The following EYS variants were observed in gnomAD, a reference collection of about 807,000 sequenced individuals.
The protein encoded by EYS is protein eyes shut homolog.
In EYS, 250 loss-of-function variants were observed where a neutral mutation model predicts 282.1. That is an observed-to-expected ratio of 0.89 (90% CI 0.80 to 0.98). The LOEUF is 0.98. Among genes scored for constraint, EYS ranks in the 50% least tolerant of loss-of-function variants. EYS has a pLI of 0.00. For synonymous variants in EYS, 1,355 were observed against 1,282.9 expected (o/e 1.06, Z -1.20); for missense variants, 4,016 against 3,709.0 (o/e 1.08, Z -2.15).
chr6:65,400,723 A>G (rs1012288787), intron 7 of EYS, among the ~76,000 whole-genome samples: 1 of 151,880 alleles, frequency 6.6e-6, no homozygotes, highest in Non-Finnish European at 1.5e-5. Flanking sequence ...TACCCATATA[A>G]ATTTAGATCT....
intron 37 of EYS, among the ~76,000 whole-genome samples, chr6:63,803,818 A>G (rs1246854624): frequency 4.6e-5 from 7 of 152,196 alleles, no homozygotes; most frequent in Non-Finnish European, 2.9e-5. Context: ...TGTTAGTGAA[A>G]ACAGACAAGA....
chr6:64,329,656 C>T (rs939899056), intron 29 of EYS, among the ~76,000 whole-genome samples: 2 of 152,108 alleles, frequency 1.3e-5, no homozygotes, highest in Non-Finnish European at 2.9e-5. Flanking sequence ...CCCATTCCAG[C>T]AGAAGCCACC....
chr6:64,551,169 T>TACAC (rs1765067113), intron 26 of EYS, among the ~76,000 whole-genome samples: 1 of 149,682 alleles, frequency 6.7e-6, no homozygotes, highest in Non-Finnish European at 1.5e-5. Flanking sequence ...TATGTGTATA[T>TACAC]ACATATATAC....
chr6:63,859,655 A>G (rs1410456858), intron 36 of EYS, among the ~76,000 whole-genome samples: 1 of 151,992 alleles, frequency 6.6e-6, no homozygotes, highest in African/African-American at 2.4e-5. Flanking sequence ...AAAAAAAAAA[A>G]AAGAAGAGAT....
At chr6:64,165,107 AAGT>A (rs1189966591) in intron 31 of EYS, among the ~76,000 whole-genome samples, 2 of 152,096 alleles carry the variant, frequency 1.3e-5, no homozygotes, top group African/African-American at 2.4e-5. Context: ...GGCTGACTAT[AAGT>A]AGGGTCATAA....
chr6:64,816,551 C>T (rs117691826), intron 21 of EYS, among the ~76,000 whole-genome samples: 4,901 of 152,118 alleles, frequency 0.032, 98 homozygotes, highest in East Asian at 0.063. Context: ...CTTTCCCTAA[C>T]TTAGGGATTC....
intron 16 of EYS, among the ~76,000 whole-genome samples, chr6:64,907,605 C>T (rs1393580873): frequency 6.6e-6 from 1 of 152,176 alleles, no homozygotes; most frequent in African/African-American, 2.4e-5. Context: ...TCCCCAAACA[C>T]TTCTATCCTA....
intron 12 of EYS, among the ~76,000 whole-genome samples, chr6:65,163,806 A>G (rs1478074031): frequency 1.3e-5 from 2 of 151,320 alleles, no homozygotes; most frequent in Admixed American, 1.3e-4. Flanking sequence ...ACAAATTTTC[A>G]TTGAAACCCA....
intron 31 of EYS, among the ~76,000 whole-genome samples, chr6:64,099,406 G>A (rs112490081): frequency 0.029 from 4,435 of 152,160 alleles, 232 homozygotes; most frequent in African/African-American, 0.1. Flanking sequence ...TCTCTATTCT[G>A]AAAAGATGGG....
chr6:64,902,384 A>G lies in EYS; in HGVS notation c.2738+20T>C, dbSNP rs898297832. 6.7e-7 allele frequency: 1 copy of G among 1,488,992 alleles called. No individual in the cohort carries two copies. 92.2% of individuals were successfully genotyped at this position (1,488,992 alleles called of 1,614,324 possible). On this transcript the variant is annotated intron_variant, in intron 17 of 42. Coordinates refer to ENST00000503581, the MANE Select transcript of EYS (RefSeq NM_001142800.2). ...TAGACACATAAACATGTATCTAGAT[A>G]CTTTTTAAGTTTTCTGTACCTGAAA... is the stretch of plus-strand genomic sequence containing the variant.
At chr6:64,894,431 G>T (rs1183667291) in intron 18 of EYS, among the ~76,000 whole-genome samples, 1 of 152,124 alleles carries the variant, frequency 6.6e-6, no homozygotes, top group Non-Finnish European at 1.5e-5. Context: ...GCTAACTGAT[G>T]ACGGGGTTTT....
intron 31 of EYS, among the ~76,000 whole-genome samples, chr6:64,095,386 T>C (rs965240246): frequency 1.3e-5 from 2 of 152,162 alleles, no homozygotes; most frequent in African/African-American, 4.8e-5. Flanking sequence ...TGTGTGGTAG[T>C]CTAAGTCTCT....
chr6:65,070,219 T>C (rs936430869), intron 12 of EYS, among the ~76,000 whole-genome samples: 4 of 151,898 alleles, frequency 2.6e-5, no homozygotes, highest in African/African-American at 9.7e-5. Flanking sequence ...GCTAATTCAT[T>C]CTTCATCCAG....
chr6:63,825,105 C>G (rs1286914259), intron 36 of EYS, among the ~76,000 whole-genome samples: 1 of 152,136 alleles, frequency 6.6e-6, no homozygotes, highest in Non-Finnish European at 1.5e-5. Context: ...TGCATGGGAG[C>G]TGGGTGAGGC....
chr6:65,442,445 T>A (rs1768370118), intron 5 of EYS, among the ~76,000 whole-genome samples: 1 of 152,012 alleles, frequency 6.6e-6, no homozygotes, highest in Non-Finnish European at 1.5e-5. Context: ...TGTAAACTAC[T>A]GTTTTTCATA....
chr6:65,676,623 C>A (rs1219924154), intron 1 of EYS, among the ~76,000 whole-genome samples: 4 of 151,576 alleles, frequency 2.6e-5, no homozygotes, highest in Non-Finnish European at 5.9e-5. Context: ...TGAATTCTAC[C>A]AAATATGTAG....
chr6:63,726,674 G>A lies in EYS; in HGVS notation c.8078C>T (p.Ser2693Phe). ...TTGIYCEQAL[S>F]ISDPSFRSNE... ...GCTTCTGAAAGATGGATCACTTATGGATAAAGCTGAGGGAAGGAGAGAAAG... is the reference window on the plus strand; with the variant it reads ...GCTTCTGAAAGATGGATCACTTATGAATAAAGCTGAGGGAAGGAGAGAAAG... Residue 2693 changes from serine (S) to phenylalanine (F), a missense_variant, in exon 42 of 43, where the codon TCC (serine) becomes TTC (phenylalanine). Physicochemically the swap from Ser to Phe is radical, Grantham distance 155 (BLOSUM62 -2). Coordinates refer to ENST00000503581, the MANE Select transcript of EYS (RefSeq NM_001142800.2). 1 of 1,550,896 alleles carries A rather than the reference G, an allele frequency of 6.4e-7. No individual in the cohort carries two copies. The highest frequency in any genetic ancestry group is 1.2e-5 in the South Asian group (1 of 83,944).
chr6:65,577,070 T>C (rs1265119374), intron 2 of EYS, among the ~76,000 whole-genome samples: 1 of 151,704 alleles, frequency 6.6e-6, no homozygotes, highest in Non-Finnish European at 1.5e-5. Context: ...CAAAATAATT[T>C]TAAAATTTAA....
Position 65,384,414 on chromosome 6 carries a change from C to A in EYS, c.1271G>T (p.Trp424Leu), listed in dbSNP as rs1208688492. The A allele has an allele frequency of 1.2e-6, 2 of 1,606,624 alleles. No individual in the cohort carries two copies. The highest frequency in any genetic ancestry group is 1.1e-5 in the South Asian group (1 of 90,948). Residue 424 changes from tryptophan to leucine, a missense_variant, in exon 8 of 43, where the codon TGG becomes TTG. By Grantham distance (61) the Trp-to-Leu change is moderately conservative. Coordinates refer to ENST00000503581, the MANE Select transcript of EYS (RefSeq NM_001142800.2). ...LLSINCLNEE[W>L]CFNIIGRFKY... is the part of the protein sequence containing the mutation. ...GAATCTTCCAATTATATTGAAACAC[C>A]ATTCTTCATTCAGACAGTTGATGCT...
Sources: gnomAD v4.1 joint callset for allele counts (sites outside exome capture counted in the v4.1 genomes callset) on GRCh38, gnomAD v4.1.1 for gene constraint, MANE v1.5 for transcripts, NCBI Gene and HGNC (gene_info 2026-07-23, HGNC 2026-07-21) for gene names.